CSMD1: variants seen among roughly 807,000 people sequenced by gnomAD.
The protein encoded by CSMD1 is CUB and Sushi multiple domains 1.
In CSMD1, 213 loss-of-function variants were observed where a neutral mutation model predicts 417.5. The observed-to-expected ratio is 0.51, with a 90% CI of 0.46 to 0.57. The LOEUF is 0.57. Among genes scored for constraint, CSMD1 ranks in the 20% least tolerant of loss-of-function variants. The pLI is 0.00. For missense variants in CSMD1, 6,923 were observed against 4,529.7 expected, an observed-to-expected ratio of 1.53 and a Z score of -15.17; for synonymous variants, 2,862 against 1,736.8, an observed-to-expected ratio of 1.65 and a Z score of -16.11.
chr8:3,102,389 G>C (rs1815819030), intron 46 of CSMD1, among the ~76,000 whole-genome samples: 1 of 152,190 alleles, frequency 6.6e-6, no homozygotes, highest in South Asian at 2.1e-4. Context: ...TGAAAGAGAA[G>C]AGAACTAGGT....
chr8:3,011,930 C>A (rs955103183), intron 52 of CSMD1, among the ~76,000 whole-genome samples: 1 of 152,104 alleles, frequency 6.6e-6, no homozygotes, highest in Non-Finnish European at 1.5e-5. Flanking sequence ...CACAAACTTC[C>A]TGGGTGGATT....
At chr8:3,496,697 G>A (rs1796378984) in intron 10 of CSMD1, among the ~76,000 whole-genome samples, 2 of 152,104 alleles carry the variant, frequency 1.3e-5, no homozygotes, top group African/African-American at 2.4e-5. Flanking sequence ...ATGGTGGCGT[G>A]TGCCTATAGC....
intron 25 of CSMD1, among the ~76,000 whole-genome samples, chr8:3,286,373 C>T (rs191434130): frequency 0.044 from 6,751 of 152,120 alleles, 198 homozygotes; most frequent in Non-Finnish European, 0.067. Flanking sequence ...AATGGTATTT[C>T]CAGTTCTAGA....
intron 9 of CSMD1, among the ~76,000 whole-genome samples, chr8:3,575,333 A>G (rs1032646070): frequency 3.3e-5 from 5 of 152,126 alleles, no homozygotes; most frequent in Admixed American, 6.6e-5. Flanking sequence ...GATCTAACAG[A>G]TGACAGCCTC....
rs1585221206 is a variant in CSMD1, at chr8:4,057,062, G to A, written c.416-24963C>T. On this transcript the variant is annotated intron_variant, in intron 3 of 69. Transcript: ENST00000635120. ...TTGGGTATGTACCCAGTAATGGGATGCCTGGGTCAAATGGTATTTGTAGTT... is the reference window on the plus strand; with the variant it reads ...TTGGGTATGTACCCAGTAATGGGATACCTGGGTCAAATGGTATTTGTAGTT... Among the ~76,000 whole-genome samples the A allele has an allele frequency of 2.0e-5, 3 of 152,288 alleles. No individual in the cohort carries two copies. The South Asian group carries it at 6.2e-4, about 32-fold the overall frequency.
chr8:3,650,532 C>T (rs1057469040), intron 7 of CSMD1, among the ~76,000 whole-genome samples: 2 of 152,144 alleles, frequency 1.3e-5, no homozygotes, highest in South Asian at 2.1e-4. Flanking sequence ...TCTACTCAGG[C>T]TCCTTTCCTT....
chr8:4,749,832 A>G (rs1415932197), intron 1 of CSMD1, among the ~76,000 whole-genome samples: 1 of 151,986 alleles, frequency 6.6e-6, no homozygotes, highest in Non-Finnish European at 1.5e-5. Flanking sequence ...TTTGCTGGTA[A>G]TTTGGAAAGC....
chr8:3,390,561 T>G (rs1811290501), intron 17 of CSMD1, among the ~76,000 whole-genome samples: 2 of 151,970 alleles, frequency 1.3e-5, no homozygotes, highest in African/African-American at 4.8e-5. Context: ...CGGACTTTGT[T>G]GAAACGACGT....
intron 1 of CSMD1, among the ~76,000 whole-genome samples, chr8:4,980,036 CA>C (rs776139233): frequency 3.3e-5 from 5 of 151,876 alleles, no homozygotes; most frequent in Non-Finnish European, 5.9e-5. Flanking sequence ...GACTCCATCC[CA>C]AAAAATAAAT....
At chr8:4,413,376 G>A (rs907363464) in intron 3 of CSMD1, among the ~76,000 whole-genome samples, 14 of 152,252 alleles carry the variant, frequency 9.2e-5, no homozygotes, top group Admixed American at 6.5e-4. Flanking sequence ...CACATTAGAA[G>A]TCACAGGTAG....
chr8:4,023,013 G>T (rs1184652679), intron 4 of CSMD1, among the ~76,000 whole-genome samples: 1 of 152,150 alleles, frequency 6.6e-6, no homozygotes, highest in South Asian at 2.1e-4. Flanking sequence ...TACCAAATCC[G>T]TGTTTTTCTT....
intron 3 of CSMD1, among the ~76,000 whole-genome samples, chr8:4,221,456 T>G (rs1585047417): frequency 6.6e-6 from 1 of 152,036 alleles, no homozygotes; most frequent in South Asian, 2.1e-4. Flanking sequence ...GGAACTGACT[T>G]AGCAGAATTG....
chr8:4,302,218 C>T (rs981122848), intron 3 of CSMD1, among the ~76,000 whole-genome samples: 2 of 152,038 alleles, frequency 1.3e-5, no homozygotes, highest in African/African-American at 4.8e-5. Flanking sequence ...TAAATAGATG[C>T]AATGAAGGCC....
At chr8:3,840,038 G>C (rs1302657509) in intron 5 of CSMD1, among the ~76,000 whole-genome samples, 1 of 152,076 alleles carries the variant, frequency 6.6e-6, no homozygotes, top group Non-Finnish European at 1.5e-5. Flanking sequence ...ATGTTTCTAG[G>C]AATCCTCTGG....
intron 12 of CSMD1, among the ~76,000 whole-genome samples, chr8:3,410,985 A>C (rs1424793492): frequency 6.6e-6 from 1 of 152,154 alleles, no homozygotes; most frequent in Non-Finnish European, 1.5e-5. Context: ...GCCCTTCGAA[A>C]AGGAGATGTG....
intron 1 of CSMD1, among the ~76,000 whole-genome samples, chr8:4,692,999 C>A (rs1806873242): frequency 6.6e-6 from 1 of 152,154 alleles, no homozygotes; most frequent in African/African-American, 2.4e-5. Flanking sequence ...GAACAAAGCT[C>A]ATCATGGGAA....
At chr8:3,406,871 G>C (rs1393473009) in intron 14 of CSMD1, among the ~76,000 whole-genome samples, 2 of 152,216 alleles carry the variant, frequency 1.3e-5, no homozygotes, top group African/African-American at 4.8e-5. Flanking sequence ...AGAATGAGCT[G>C]TCATTAAACT....
At chr8:4,188,554 G>A (rs1056950531) in intron 3 of CSMD1, among the ~76,000 whole-genome samples, 1 of 152,160 alleles carries the variant, frequency 6.6e-6, no homozygotes, top group African/African-American at 2.4e-5. Context: ...AATTCAGGCA[G>A]TATGAGGTAG....
intron 2 of CSMD1, among the ~76,000 whole-genome samples, chr8:4,456,886 ACACCCG>A: frequency 6.6e-6 from 1 of 151,120 alleles, no homozygotes; most frequent in East Asian, 2.0e-4. Context: ...AAGGGAGAAC[ACACCCG>A]TATTTGAAGC....
Sources: allele counts gnomAD v4.1 joint callset (sites outside exome capture counted in the v4.1 genomes callset), GRCh38; gene constraint gnomAD v4.1.1; transcripts MANE v1.5; gene names NCBI Gene and HGNC (gene_info 2026-07-23, HGNC 2026-07-21).